CDH22: variants seen among roughly 807,000 people sequenced by gnomAD.
CDH22 encodes the protein cadherin 22.
In CDH22, 30 loss-of-function variants were observed where a neutral mutation model predicts 58.4. The ratio of observed to expected loss-of-function variants is 0.51; its 90% CI spans 0.38 to 0.70. The LOEUF (loss-of-function observed/expected upper bound fraction) is 0.70. Ranked by LOEUF, CDH22 falls within the 30% of genes least tolerant of loss-of-function variation. The probability of loss-of-function intolerance (pLI) is 0.00; values close to 1 mark genes in which losing one functional copy is unlikely to be tolerated. For synonymous variants in CDH22, 513 were observed against 558.2 expected, an observed-to-expected ratio of 0.92 and a Z score of 1.14; for missense variants, 1,014 against 1,233.9, an observed-to-expected ratio of 0.82 and a Z score of 2.67.
At chr20:46,257,876 A>G (rs189868866) in intron 1 of CDH22, among the ~76,000 whole-genome samples, 1 of 152,172 alleles carries the variant, frequency 6.6e-6, no homozygotes, top group East Asian at 1.9e-4. Context: ...ATGAGGAGGA[A>G]ACAGCAAGAG....
intron 4 of CDH22, among the ~76,000 whole-genome samples, chr20:46,218,956 C>T (rs1703708299): frequency 6.6e-6 from 1 of 152,182 alleles, no homozygotes; most frequent in Admixed American, 6.5e-5. Flanking sequence ...CCAGCAGCCC[C>T]ATGCTGCGCC....
rs148799055 is a variant in CDH22 at position 46,261,513 on chromosome 20, G to T, written c.-399-9820C>A. On this transcript the variant is annotated intron_variant, in intron 1 of 11. Coordinates refer to ENST00000537909, the MANE Select transcript of CDH22 (RefSeq NM_021248.3). ...CAGACTCAGGCTAGGGGAAAGGGTA[G>T]TTCAGGAAGAGGCAGCTCATTCATC... Among the ~76,000 whole-genome samples, 1,132 of 152,332 alleles carry T rather than the reference G, an allele frequency of 7.4e-3. 18 individuals carry two copies. Among genetic ancestry groups the T allele is most frequent in the Admixed American group, 0.026 (398 of 15,304 alleles).
intron 10 of CDH22, among the ~76,000 whole-genome samples, chr20:46,183,079 C>T (rs2085800759): frequency 1.3e-5 from 2 of 152,160 alleles, no homozygotes; most frequent in Admixed American, 1.3e-4. Flanking sequence ...GTTGGAAAGC[C>T]TGGTGAACTT....
At chr20:46,196,747 C>T (rs1168473458) in intron 8 of CDH22, among the ~76,000 whole-genome samples, 1 of 152,138 alleles carries the variant, frequency 6.6e-6, no homozygotes, top group African/African-American at 2.4e-5. Flanking sequence ...AATGGACACC[C>T]CTTAGGGGTG....
At chr20:46,223,675 T>TTCTTTC (rs2086145071) in intron 4 of CDH22, among the ~76,000 whole-genome samples, 1 of 62,738 alleles carries the variant, frequency 1.6e-5, no homozygotes, top group South Asian at 5.8e-4. Flanking sequence ...CCTTCTTTCT[T>TTCTTTC]TCTTTCTTTC....
chr20:46,202,520 A>AT (rs2085968954), intron 7 of CDH22, among the ~76,000 whole-genome samples: 1 of 151,690 alleles, frequency 6.6e-6, no homozygotes. Context: ...CGCCCGGCTA[A>AT]TTTTTTGTAT....
At position 46,237,055 on chromosome 20, in the gene CDH22, C is replaced by T. The variant is rs572587323; in HGVS notation, c.550+3908G>A. On this transcript the variant is annotated intron_variant, in intron 3 of 11. Coordinates refer to ENST00000537909, the MANE Select transcript of CDH22 (RefSeq NM_021248.3). ...ATTTGCTTGTCTCTGTCCTGACTCTCCCTGCTATAGTATGTAGGTTTCCTA... is the reference window on the plus strand; with the variant it reads ...ATTTGCTTGTCTCTGTCCTGACTCTTCCTGCTATAGTATGTAGGTTTCCTA... 6.7e-4 allele frequency among the ~76,000 whole-genome samples: 102 copies of T among 152,336 alleles called. 2 individuals carry two copies. The South Asian group carries it at 0.021, about 32-fold the overall frequency.
intron 8 of CDH22, among the ~76,000 whole-genome samples, chr20:46,198,033 T>C (rs1045068080): frequency 2.0e-5 from 3 of 152,094 alleles, no homozygotes; most frequent in African/African-American, 7.2e-5. Context: ...CCTGTTGTCA[T>C]GATTGCTTAT....
chr20:46,196,423 G>A (rs1399795222), intron 8 of CDH22, among the ~76,000 whole-genome samples: 5 of 152,116 alleles, frequency 3.3e-5, no homozygotes, highest in African/African-American at 9.7e-5. Context: ...ATATGCACAC[G>A]CCACCATGCC....
chr20:46,270,421 G>T (rs1289881542), intron 1 of CDH22, among the ~76,000 whole-genome samples: 1 of 152,114 alleles, frequency 6.6e-6, no homozygotes, highest in Non-Finnish European at 1.5e-5. Flanking sequence ...GGCCTGAGGG[G>T]GCTTTTACTT....
At chr20:46,299,620 AAATAAT>A (rs3083842) in intron 1 of CDH22, among the ~76,000 whole-genome samples, 2 of 151,790 alleles carry the variant, frequency 1.3e-5, no homozygotes, top group African/African-American at 4.8e-5. Context: ...AAAAAAATTA[AAATAAT>A]AATAATAATA....
At chr20:46,294,907 C>G (rs937322190) in intron 1 of CDH22, among the ~76,000 whole-genome samples, 1 of 152,228 alleles carries the variant, frequency 6.6e-6, no homozygotes, top group Non-Finnish European at 1.5e-5. Context: ...GCCTGGCACC[C>G]GGCAGACAGT....
chr20:46,299,572 G>A (rs1164511531), intron 1 of CDH22, among the ~76,000 whole-genome samples: 1 of 151,940 alleles, frequency 6.6e-6, no homozygotes, highest in Non-Finnish European at 1.5e-5. Flanking sequence ...AAACAATAAG[G>A]GCACAGTGGC....
chr20:46,236,532 T>C (rs1260303996), intron 3 of CDH22, among the ~76,000 whole-genome samples: 1 of 140,748 alleles, frequency 7.1e-6, no homozygotes, highest in East Asian at 2.0e-4. Flanking sequence ...ATATATAATA[T>C]ATTTATATAT....
chr20:46,303,033 C>T (rs1423667868), intron 1 of CDH22, among the ~76,000 whole-genome samples: 9 of 152,172 alleles, frequency 5.9e-5, no homozygotes, highest in Non-Finnish European at 1.2e-4. Flanking sequence ...CGAATCTCCA[C>T]GCGCCACTCC....
chr20:46,183,707 C>A (rs1295310893), intron 10 of CDH22, among the ~76,000 whole-genome samples: 1 of 152,116 alleles, frequency 6.6e-6, no homozygotes, highest in Non-Finnish European at 1.5e-5. Context: ...AAACATGAGC[C>A]TTACATATTT....
chr20:46,256,407 A>C (rs1298900854), intron 1 of CDH22, among the ~76,000 whole-genome samples: 1 of 152,200 alleles, frequency 6.6e-6, no homozygotes, highest in Non-Finnish European at 1.5e-5. Flanking sequence ...ATTTAAACAG[A>C]GATCTGAAGT....
At chr20:46,266,911 C>CTT (rs3091411) in intron 1 of CDH22, among the ~76,000 whole-genome samples, 16 of 140,840 alleles carry the variant, frequency 1.1e-4, no homozygotes, top group African/African-American at 5.3e-5. Flanking sequence ...CTATAGGGTG[C>CTT]TTTTTTTTTT....
chr20:46,247,684 A>G (rs957649782), intron 2 of CDH22, among the ~76,000 whole-genome samples: 5 of 152,106 alleles, frequency 3.3e-5, no homozygotes, highest in Admixed American at 6.5e-5. Flanking sequence ...AATGTGCCCA[A>G]AGTCAGGAAG....
Sources: gnomAD v4.1 joint callset for allele counts (sites outside exome capture counted in the v4.1 genomes callset) on GRCh38, gnomAD v4.1.1 for gene constraint, MANE v1.5 for transcripts, NCBI Gene and HGNC (gene_info 2026-07-23, HGNC 2026-07-21) for gene names.